FILIP1L: variants seen among roughly 807,000 people sequenced by gnomAD.
The protein encoded by FILIP1L is filamin A-interacting protein 1-like.
Under a neutral mutation model 96.6 loss-of-function variants are expected in FILIP1L, and 55 were observed. That is an observed-to-expected ratio of 0.57 (90% CI 0.46 to 0.71). The LOEUF (loss-of-function observed/expected upper bound fraction) is 0.71, where lower values mean the gene tolerates loss of function less well. FILIP1L is among the 30% of genes least tolerant of loss of function. The pLI is 0.00. For synonymous variants in FILIP1L, 467 were observed against 473.9 expected (o/e 0.99, Z 0.19); for missense variants, 1,304 against 1,321.2 (o/e 0.99, Z 0.20).
chr3:100,090,258 A>T (rs1324816711), intron 1 of FILIP1L, among the ~76,000 whole-genome samples: 1 of 152,192 alleles, frequency 6.6e-6, no homozygotes, highest in Non-Finnish European at 1.5e-5. Context: ...TTCAAGATTC[A>T]AATTTAACTG....
chr3:100,053,449 T>C (rs534194544), intron 1 of FILIP1L, among the ~76,000 whole-genome samples: 1 of 152,332 alleles, frequency 6.6e-6, no homozygotes, highest in African/African-American at 2.4e-5. Flanking sequence ...TGTCTTTACA[T>C]AGTTGTCTTC....
rs1403377890 is a variant in FILIP1L, at chr3:99,828,975, T to C, written c.*1439A>G. ...CAATGCTGCCCATCATCCCTTTCAA[T>C]GCTGCCCAGGCCTCTAGCTCCTTCT... On this transcript the variant is annotated 3_prime_UTR_variant, in exon 6 of 6. Coordinates refer to ENST00000477258, the MANE Select transcript of FILIP1L (RefSeq NM_001387850.1). Among the ~76,000 whole-genome samples, 1 of 152,088 alleles carries C rather than the reference T, an allele frequency of 6.6e-6. No homozygotes were observed. Among genetic ancestry groups the C allele is most frequent in the Admixed American group, 6.5e-5 (1 of 15,280 alleles).
chr3:100,064,083 G>A (rs1227685618), intron 1 of FILIP1L, among the ~76,000 whole-genome samples: 1 of 152,146 alleles, frequency 6.6e-6, no homozygotes, highest in Non-Finnish European at 1.5e-5. Context: ...TCTTTGTTTT[G>A]TTGCTTCTGG....
At chr3:100,010,778 A>ATTTTTTTTTTTTTTTTTTTTTT (rs11371196) in intron 1 of FILIP1L, among the ~76,000 whole-genome samples, 2 of 93,678 alleles carry the variant, frequency 2.1e-5, no homozygotes, top group Non-Finnish European at 2.0e-5. Flanking sequence ...CCACGCCCGG[A>ATTTTTTTTTTTTTTTTTTTTTT]TTTTTTTTTT....
chr3:99,998,379 T>C (rs1254955493), intron 1 of FILIP1L, among the ~76,000 whole-genome samples: 2 of 152,174 alleles, frequency 1.3e-5, no homozygotes, highest in African/African-American at 4.8e-5. Context: ...CCATCTTGCA[T>C]GTGTTTAAAT....
intron 4 of FILIP1L, among the ~76,000 whole-genome samples, chr3:99,916,204 C>T (rs1327067536): frequency 6.6e-6 from 1 of 152,136 alleles, no homozygotes; most frequent in Admixed American, 6.5e-5. Flanking sequence ...AAGCTGAAGG[C>T]AGGTTGAATT....
intron 1 of FILIP1L, among the ~76,000 whole-genome samples, chr3:100,095,217 ACCTTTC>A (rs767587914): frequency 1.3e-5 from 2 of 152,098 alleles, no homozygotes; most frequent in African/African-American, 4.8e-5. Context: ...TATTCTATTT[ACCTTTC>A]CCTTTCCATA....
intron 3 of FILIP1L, 152 bp from the exon 4 acceptor site, chr3:99,924,560 C>G (rs1327583649): frequency 1.3e-6 from 1 of 772,986 alleles, no homozygotes; most frequent in South Asian, 1.7e-5. Flanking sequence ...CTGTCGTTGC[C>G]CAGGCTGGAG....
chr3:99,866,433 A>G (rs775718035), intron 4 of FILIP1L, among the ~76,000 whole-genome samples: 3 of 152,290 alleles, frequency 2.0e-5, no homozygotes, highest in Middle Eastern at 3.4e-3. Flanking sequence ...ACAGATGCCT[A>G]TGTTTTACTG....
intron 5 of FILIP1L, among the ~76,000 whole-genome samples, chr3:99,831,458 A>G (rs1462921013): frequency 6.6e-6 from 1 of 152,210 alleles, no homozygotes; most frequent in Non-Finnish European, 1.5e-5. Flanking sequence ...AAAAAGGAAC[A>G]CTAAATTGTT....
At chr3:100,012,916 G>A (rs1415093730) in intron 1 of FILIP1L, among the ~76,000 whole-genome samples, 1 of 151,926 alleles carries the variant, frequency 6.6e-6, no homozygotes, top group Non-Finnish European at 1.5e-5. Flanking sequence ...TAGGATTACA[G>A]ACTGTGCCAC....
rs925007567 is a variant in FILIP1L, at chr3:99,942,558, G to A, written c.-10-11528C>T. On this transcript the variant is annotated intron_variant, in intron 1 of 5. Transcript: ENST00000477258. ...TTAAGAAGTGGTTTCCTTGCCAGTC[G>A]CCGTGGCTCACGCCTGTAATCCCAG... Among the ~76,000 whole-genome samples the A allele has an allele frequency of 5.3e-5, 8 of 152,174 alleles. No individual in the cohort carries two copies. In the South Asian group the frequency reaches 1.0e-3, roughly 20 times the overall value.
Position 100,067,605 on chromosome 3 carries a change from G to A in FILIP1L, c.-11+46448C>T, listed in dbSNP as rs184311141. ...TATTTAATGTAAATATAAGCCCTTA[G>A]GGGGAAAGAAGAACAACTAGAATTC... On this transcript the variant is annotated intron_variant, in intron 1 of 5. Coordinates refer to ENST00000477258, the MANE Select transcript of FILIP1L (RefSeq NM_001387850.1). Among the ~76,000 whole-genome samples, 372 of 152,272 alleles carry A rather than the reference G, an allele frequency of 2.4e-3. 1 individual carries two copies. Among genetic ancestry groups the A allele is most frequent in the African/African-American group, 8.4e-3 (350 of 41,534 alleles).
At chr3:99,898,314 C>T (rs1274750285) in intron 4 of FILIP1L, 1 of 152,170 alleles carries the variant, frequency 6.6e-6, no homozygotes, top group Non-Finnish European at 1.5e-5. Context: ...TGGAATTACA[C>T]AATGACCAGG....
intron 1 of FILIP1L, among the ~76,000 whole-genome samples, chr3:99,936,026 G>T (rs899030552): frequency 2.6e-5 from 4 of 152,012 alleles, no homozygotes; most frequent in South Asian, 4.2e-4. Context: ...CTTTATTAAT[G>T]TTGTATATTA....
At chr3:99,941,102 C>A (rs1707837074) in intron 1 of FILIP1L, among the ~76,000 whole-genome samples, 1 of 152,214 alleles carries the variant, frequency 6.6e-6, no homozygotes, top group Admixed American at 6.5e-5. Context: ...TTTGCACTTT[C>A]TCTTTTTAGG....
intron 1 of FILIP1L, among the ~76,000 whole-genome samples, chr3:99,978,793 G>A (rs937954983): frequency 2.6e-5 from 4 of 152,080 alleles, no homozygotes; most frequent in Non-Finnish European, 5.9e-5. Flanking sequence ...GCTGAGGCAC[G>A]AGAGTCACTT....
chr3:99,928,589 A>G lies in FILIP1L; in HGVS notation c.426+1267T>C, dbSNP rs79784360. 6.8e-3 allele frequency among the ~76,000 whole-genome samples: 1,035 copies of G among 152,284 alleles called. 15 individuals are homozygous for G. Among genetic ancestry groups the G allele is most frequent in the African/African-American group, 0.023 (961 of 41,534 alleles). On this transcript the variant is annotated intron_variant, in intron 3 of 5. Coordinates refer to ENST00000477258, the MANE Select transcript of FILIP1L (RefSeq NM_001387850.1). ...AATTTTGCATGTGCACAATAGAATT[A>G]TTTTGTAATTAAATTTTTTCCCACC... is the stretch of plus-strand genomic sequence containing the variant.
chr3:100,018,291 A>G (rs755353536), intron 1 of FILIP1L, among the ~76,000 whole-genome samples: 7 of 152,162 alleles, frequency 4.6e-5, no homozygotes, highest in Non-Finnish European at 7.3e-5. Flanking sequence ...GTGCCATTGC[A>G]CTCCAGCCTA....
Sources: allele counts gnomAD v4.1 joint callset (sites outside exome capture counted in the v4.1 genomes callset), GRCh38; gene constraint gnomAD v4.1.1; transcripts MANE v1.5; gene names NCBI Gene and HGNC (gene_info 2026-07-23, HGNC 2026-07-21).